S100PBP: variants seen among roughly 807,000 people sequenced by gnomAD.
S100PBP encodes the protein S100P-binding protein.
A neutral mutation model predicts 39.9 loss-of-function variants in S100PBP; 15 were observed. The ratio of observed to expected loss-of-function variants is 0.38; its 90% CI spans 0.25 to 0.58. The LOEUF (loss-of-function observed/expected upper bound fraction) is 0.58. Among genes scored for constraint, S100PBP ranks in the 20% least tolerant of loss-of-function variants. S100PBP has a pLI of 0.70. For missense variants in S100PBP, 504 were observed against 487.3 expected (o/e 1.03, Z -0.32); for synonymous variants, 178 against 180.3 (o/e 0.99, Z 0.10).
chr1:32,856,170 T>C lies in S100PBP; in HGVS notation c.*132T>C. On this transcript the variant is annotated 3_prime_UTR_variant, in exon 7 of 7. Transcript: ENST00000373475. ...TTCACAAAATTTTTATTTAAAAAAC[T>C]CGTCACCTTTTGGAAATGCCCATTG... 1.8e-6 allele frequency: 1 copy of C among 571,154 alleles called. No homozygotes were observed. The highest frequency in any genetic ancestry group is 3.0e-6 in the Non-Finnish European group (1 of 334,134). The allele number at this position is 571,154 out of a possible 1,614,324, so 35.4% of individuals were successfully genotyped here. A position where few individuals can be genotyped will look rare whatever the true frequency, so the allele number is the denominator to read the frequency against.
intron 5 of S100PBP, among the ~76,000 whole-genome samples, chr1:32,842,236 TACAC>T (rs1553132298): frequency 0.013 from 1,088 of 80,846 alleles, 15 homozygotes; most frequent in African/African-American, 0.016. Context: ...TATATATATA[TACAC>T]ACACACACAC....
At chr1:32,833,258 C>A (rs574316704) in intron 5 of S100PBP, among the ~76,000 whole-genome samples, 74 of 152,234 alleles carry the variant, frequency 4.9e-4, no homozygotes, top group Non-Finnish European at 7.5e-4. Flanking sequence ...GAACGTTATT[C>A]CTTACGTTGA....
chr1:32,842,236 T>TAGAC (rs372174677), intron 5 of S100PBP, among the ~76,000 whole-genome samples: 3 of 80,854 alleles, frequency 3.7e-5, no homozygotes, highest in African/African-American at 1.4e-4. Flanking sequence ...TATATATATA[T>TAGAC]ACACACACAC....
At chr1:32,837,287 T>C (rs1023684682) in intron 5 of S100PBP, 2 of 151,412 alleles carry the variant, frequency 1.3e-5, no homozygotes, top group African/African-American at 2.4e-5. Flanking sequence ...AAGTTCTTTT[T>C]GTTTGTTTGT....
At chr1:32,840,434 C>T (rs917914422) in intron 5 of S100PBP, among the ~76,000 whole-genome samples, 26 of 152,298 alleles carry the variant, frequency 1.7e-4, no homozygotes, top group Non-Finnish European at 2.4e-4. Flanking sequence ...TGGCTCGCTA[C>T]AACCTCCCCC....
intron 1 of S100PBP, among the ~76,000 whole-genome samples, chr1:32,820,006 C>T (rs988884133): frequency 6.6e-6 from 1 of 152,056 alleles, no homozygotes; most frequent in African/African-American, 2.4e-5. Context: ...CAGATGTCTA[C>T]CTAGTCTGGT....
chr1:32,819,225 G>A (rs1323762865), intron 1 of S100PBP, among the ~76,000 whole-genome samples: 1 of 152,138 alleles, frequency 6.6e-6, no homozygotes, highest in African/African-American at 2.4e-5. Flanking sequence ...GGGTGTAGAG[G>A]AACTAAGAAA....
chr1:32,858,261 T>A lies in S100PBP; in HGVS notation c.*2223T>A, dbSNP rs1640892058. ...AAGACTGAATGTGTAATAGGAGCAC[T>A]GCCTTTGCCAAATCAAATGAGTGAC... On this transcript the variant is annotated 3_prime_UTR_variant, in exon 7 of 7. Transcript: ENST00000373475. The A allele has an allele frequency of 6.6e-6, 1 of 152,664 alleles. No individual in the cohort carries two copies. The highest frequency in any genetic ancestry group is 1.9e-4 in the East Asian group (1 of 5,200). 9.5% of individuals were successfully genotyped at this position (152,664 alleles called of 1,614,324 possible).
At chr1:32,827,455 A>G (rs1462371398) in intron 3 of S100PBP, among the ~76,000 whole-genome samples, 2 of 152,142 alleles carry the variant, frequency 1.3e-5, no homozygotes, top group African/African-American at 4.8e-5. Context: ...CTATCTGCCA[A>G]ATGAGTGTAA....
intron 5 of S100PBP, among the ~76,000 whole-genome samples, chr1:32,850,874 C>T (rs1569949070): frequency 6.6e-6 from 1 of 152,116 alleles, no homozygotes; most frequent in Non-Finnish European, 1.5e-5. Context: ...ATTTAATAAA[C>T]GTTTTTCCTT....
At chr1:32,830,159 T>TTAAGAAAA in intron 5 of S100PBP, 92 bp downstream of exon 5, 2 of 806,038 alleles carry the variant, frequency 2.5e-6, no homozygotes, top group Non-Finnish European at 4.1e-6. Flanking sequence ...TGTTTAGAAT[T>TTAAGAAAA]TTCTTAAATT....
At chr1:32,852,415 AAG>A (rs1482362537) in intron 5 of S100PBP, among the ~76,000 whole-genome samples, 1 of 152,138 alleles carries the variant, frequency 6.6e-6, no homozygotes, top group Non-Finnish European at 1.5e-5. Flanking sequence ...TTTTAGAATT[AAG>A]TAAGATAATA....
intron 5 of S100PBP, among the ~76,000 whole-genome samples, chr1:32,844,333 G>A (rs769852462): frequency 2.0e-5 from 3 of 152,188 alleles, no homozygotes; most frequent in Non-Finnish European, 4.4e-5. Flanking sequence ...TTACAGGTGT[G>A]AGCCATTGTG....
intron 1 of S100PBP, among the ~76,000 whole-genome samples, chr1:32,824,391 C>T (rs1490773349): frequency 6.6e-6 from 1 of 152,074 alleles, no homozygotes; most frequent in African/African-American, 2.4e-5. Context: ...TATCACCTTT[C>T]CCATCTGGAA....
At chr1:32,818,129 C>T (rs1278256255) in intron 1 of S100PBP, 1 of 152,580 alleles carries the variant, frequency 6.6e-6, no homozygotes, top group Non-Finnish European at 1.5e-5. Context: ...GACGGTGGTC[C>T]CCGGGAGAGG....
chr1:32,852,235 C>T (rs1201753186), intron 5 of S100PBP, among the ~76,000 whole-genome samples: 1 of 152,012 alleles, frequency 6.6e-6, no homozygotes, highest in Non-Finnish European at 1.5e-5. Context: ...ATCACTTGAA[C>T]CCAAGAGGCA....
chr1:32,818,799 A>AT (rs1164076459), intron 1 of S100PBP: 1 of 152,112 alleles, frequency 6.6e-6, no homozygotes, highest in Non-Finnish European at 1.5e-5. Context: ...TGTTGTGCCT[A>AT]TTTTTTATGG....
intron 5 of S100PBP, among the ~76,000 whole-genome samples, chr1:32,848,613 A>C (rs1345691766): frequency 6.6e-6 from 1 of 152,206 alleles, no homozygotes; most frequent in Non-Finnish European, 1.5e-5. Flanking sequence ...CACTTGATTG[A>C]GTTAGGGTCA....
At chr1:32,834,568 C>T (rs756384218) in intron 5 of S100PBP, among the ~76,000 whole-genome samples, 1 of 152,192 alleles carries the variant, frequency 6.6e-6, no homozygotes, top group Non-Finnish European at 1.5e-5. Context: ...ACACTATACC[C>T]TACACTATAT....
Sources: allele counts gnomAD v4.1 joint callset (sites outside exome capture counted in the v4.1 genomes callset), GRCh38; gene constraint gnomAD v4.1.1; transcripts MANE v1.5; gene names NCBI Gene and HGNC (gene_info 2026-07-23, HGNC 2026-07-21).